Variants in PDE11A observed in about 807,000 individuals in gnomAD.
PDE11A encodes the protein dual 3',5'-cyclic-AMP and -GMP phosphodiesterase 11A.
A neutral mutation model predicts 100.5 loss-of-function variants in PDE11A; 100 were observed. That is an observed-to-expected ratio of 1.00 (90% CI 0.85 to 1.18). PDE11A has a LOEUF of 1.18. PDE11A is among the 50% of genes most tolerant of loss of function. PDE11A has a pLI of 0.00. For missense variants in PDE11A, 1,141 were observed against 1,152.6 expected (o/e 0.99, Z 0.15); for synonymous variants, 381 against 420.8 (o/e 0.91, Z 1.16).
rs1361526141 is a variant in PDE11A, at chr2:178,003,691, C to G, written c.1071+10611G>C. Among the ~76,000 whole-genome samples the G allele has an allele frequency of 5.9e-5, 9 of 152,068 alleles. No homozygotes were observed. In the South Asian group the frequency reaches 1.9e-3, roughly 32 times the overall value. ...ACAACTCTGCAAATATACTAAAAAC[C>G]ACTGAATTAAATGGAGCATTGTATG... On this transcript the variant is annotated intron_variant, in intron 2 of 19. Coordinates refer to ENST00000286063, the MANE Select transcript of PDE11A (RefSeq NM_016953.4).
chr2:177,659,778 TTC>T (rs1401732216), intron 19 of PDE11A, among the ~76,000 whole-genome samples: 1 of 148,996 alleles, frequency 6.7e-6, no homozygotes, highest in East Asian at 2.1e-4. Flanking sequence ...TTCCTTCTTC[TTC>T]TTTTTTTTTT....
intron 15 of PDE11A, among the ~76,000 whole-genome samples, chr2:177,696,700 T>C (rs16865647): frequency 0.018 from 2,670 of 152,104 alleles, 76 homozygotes; most frequent in African/African-American, 0.061. Context: ...CTCCATGGGG[T>C]CAAATGAAAA....
intron 1 of PDE11A, among the ~76,000 whole-genome samples, chr2:178,052,358 A>C (rs2086839833): frequency 6.6e-6 from 1 of 152,260 alleles, no homozygotes; most frequent in Non-Finnish European, 1.5e-5. Flanking sequence ...GGACACATTT[A>C]AAGCAGTGTG....
At chr2:178,084,050 C>CTT (rs2087319962) in intron 2 of PDE11A, among the ~76,000 whole-genome samples, 1 of 151,994 alleles carries the variant, frequency 6.6e-6, no homozygotes, top group African/African-American at 2.4e-5. Flanking sequence ...TAGAAAAAAA[C>CTT]TATATAGAAA....
At position 177,734,211 on chromosome 2, in the gene PDE11A, A is replaced by G. The variant is rs935136910; in HGVS notation, c.1789-6039T>C. Among the ~76,000 whole-genome samples, 10 of 152,136 alleles carry G rather than the reference A, an allele frequency of 6.6e-5. No individual in the cohort carries two copies. The East Asian group carries it at 7.7e-4, about 12-fold the overall frequency. ...ATAAAACTCCTTGGGAAAGTCTCCA[A>G]ATTCAGAGCTGACTTTGGAATGAAC... On this transcript the variant is annotated intron_variant, in intron 10 of 19. Coordinates refer to ENST00000286063, the MANE Select transcript of PDE11A (RefSeq NM_016953.4).
chr2:178,072,836 G>C (rs574431083), upstream of PDE11A: 14 of 1,179,874 alleles, frequency 1.2e-5, no homozygotes, highest in African/African-American at 4.8e-5. Context: ...AGTGAGGCAC[G>C]GAGCCTGGAG....
chr2:177,668,058 A>G (rs2080616213), intron 18 of PDE11A, among the ~76,000 whole-genome samples: 1 of 152,198 alleles, frequency 6.6e-6, no homozygotes, highest in Admixed American at 6.5e-5. Context: ...GGAGATGGTC[A>G]TCAGTGGTGC....
intron 10 of PDE11A, among the ~76,000 whole-genome samples, chr2:177,748,699 G>A (rs2081986998): frequency 1.3e-5 from 2 of 152,040 alleles, no homozygotes; most frequent in Admixed American, 6.5e-5. Flanking sequence ...TTCACCCACT[G>A]ACTCTAGGTT....
In PDE11A at chr2:177,880,672, T is replaced by C. The variant is rs571719273; in HGVS notation, c.1303-4749A>G. Among the ~76,000 whole-genome samples, 3 of 152,250 alleles carry C rather than the reference T, an allele frequency of 2.0e-5. No individual in the cohort carries two copies. In the East Asian group the frequency reaches 5.8e-4, roughly 29 times the overall value. ...TAAATGGTGTCAGGAATGAGGAAAG[T>C]ATTGTAGACTATGTTCCCTAACTTT... On this transcript the variant is annotated intron_variant, in intron 4 of 19. Coordinates refer to ENST00000286063, the MANE Select transcript of PDE11A (RefSeq NM_016953.4).
chr2:177,903,775 G>A (rs528908133), intron 3 of PDE11A, among the ~76,000 whole-genome samples: 128 of 152,298 alleles, frequency 8.4e-4, no homozygotes, highest in African/African-American at 2.9e-3. Flanking sequence ...GGAAGGAGTT[G>A]GATTGACATG....
At chr2:177,772,250 A>G (rs2082321516) in intron 9 of PDE11A, among the ~76,000 whole-genome samples, 1 of 152,134 alleles carries the variant, frequency 6.6e-6, no homozygotes, top group Non-Finnish European at 1.5e-5. Context: ...AAATAAAGAT[A>G]TATTCTACTG....
At chr2:177,998,203 C>A in intron 2 of PDE11A, 5 of 844,844 alleles carry the variant, frequency 5.9e-6, no homozygotes, top group Non-Finnish European at 1.0e-5. Context: ...AGAACAAATT[C>A]TTCATGAGTC....
At chr2:177,815,012 G>C (rs924412442) in intron 9 of PDE11A, among the ~76,000 whole-genome samples, 6 of 152,180 alleles carry the variant, frequency 3.9e-5, no homozygotes, top group African/African-American at 1.2e-4. Flanking sequence ...TTCTCTCTTT[G>C]TGTGTTAATT....
chr2:177,676,638 T>C (rs943788037), intron 16 of PDE11A, among the ~76,000 whole-genome samples: 1 of 152,172 alleles, frequency 6.6e-6, no homozygotes, highest in African/African-American at 2.4e-5. Flanking sequence ...CCCTCTCAAC[T>C]CGAGCAGCAT....
chr2:178,076,236 G>A (rs1035528951), upstream of PDE11A, among the ~76,000 whole-genome samples: 6 of 152,118 alleles, frequency 3.9e-5, no homozygotes, highest in African/African-American at 1.4e-4. Flanking sequence ...TGTCCAAGTA[G>A]CCTCTCATTA....
intron 2 of PDE11A, among the ~76,000 whole-genome samples, chr2:177,987,448 C>T (rs910862721): frequency 5.9e-5 from 9 of 152,154 alleles, no homozygotes; most frequent in African/African-American, 2.2e-4. Flanking sequence ...CTTTGAACCA[C>T]ATTTTTCTTA....
chr2:178,092,105 CA>C (rs1315129040), intron 2 of PDE11A, among the ~76,000 whole-genome samples: 1 of 152,080 alleles, frequency 6.6e-6, no homozygotes, highest in African/African-American at 2.4e-5. Flanking sequence ...TAATAAAAAG[CA>C]AACACATAAC....
intron 2 of PDE11A, among the ~76,000 whole-genome samples, chr2:177,979,595 G>T (rs1270692806): frequency 1.4e-5 from 2 of 142,258 alleles, no homozygotes; most frequent in East Asian, 2.0e-4. Context: ...AGTGTGAATG[G>T]ATATCCTCAG....
chr2:177,799,712 G>T (rs1317085227), intron 9 of PDE11A, among the ~76,000 whole-genome samples: 4 of 152,116 alleles, frequency 2.6e-5, no homozygotes, highest in African/African-American at 7.2e-5. Context: ...GAAAGAAGAT[G>T]GGAAGGCATT....
Sources: gnomAD v4.1 joint callset for allele counts (sites outside exome capture counted in the v4.1 genomes callset) on GRCh38, gnomAD v4.1.1 for gene constraint, MANE v1.5 for transcripts, NCBI Gene and HGNC (gene_info 2026-07-23, HGNC 2026-07-21) for gene names.